KIAA1217: variants seen among roughly 807,000 people sequenced by gnomAD.
KIAA1217 encodes the protein KIAA1217.
In KIAA1217, 88 loss-of-function variants were observed where a neutral mutation model predicts 163.9. The ratio of observed to expected loss-of-function variants is 0.54; its 90% CI spans 0.45 to 0.64. KIAA1217 has a LOEUF of 0.64. Ranked by LOEUF, KIAA1217 falls within the 30% of genes least tolerant of loss-of-function variation. The probability of loss-of-function intolerance (pLI) is 0.00; values close to 1 mark genes in which losing one functional copy is unlikely to be tolerated. For missense variants in KIAA1217, 2,372 were observed against 2,475.0 expected (o/e 0.96, Z 0.88); for synonymous variants, 903 against 923.1 (o/e 0.98, Z 0.39).
At chr10:24,527,907 A>T (rs2072452375) in intron 13 of KIAA1217, 29 bp from the exon 14 acceptor site, 2 of 1,591,328 alleles carry the variant, frequency 1.3e-6, no homozygotes, top group East Asian at 4.5e-5. Flanking sequence ...GTGTCCACGT[A>T]ACTTCCTTTA....
chr10:24,544,182 G>C lies in KIAA1217; in HGVS notation c.4912G>C (p.Val1638Leu). 6.2e-7 allele frequency: 1 copy of C among 1,614,154 alleles called. No individual in the cohort carries two copies. The highest frequency in any genetic ancestry group is 1.1e-5 in the South Asian group (1 of 91,082). Residue 1638 changes from valine (V) to leucine (L), a missense_variant, in exon 19 of 21, where the codon GTG becomes CTG. Val to Leu is a conservative substitution (Grantham distance 32). This residue lies in a region of KIAA1217 where 690 missense variants were observed against 677.5 expected (regional missense o/e 1.02). Coordinates refer to ENST00000376454, the MANE Select transcript of KIAA1217 (RefSeq NM_019590.5). ...ACCTGAAGACACCCCTGAAAACACA[G>C]TGAGGAGGCAAGAGCAGCCCAGCAT... ...SQPEDTPENT[V>L]RRQEQPSIES...
At chr10:24,074,313 C>A (rs1259116742) in intron 2 of KIAA1217, among the ~76,000 whole-genome samples, 1 of 152,102 alleles carries the variant, frequency 6.6e-6, no homozygotes, top group Non-Finnish European at 1.5e-5. Flanking sequence ...CGTGTCACTG[C>A]ACTCCAGCCT....
chr10:24,121,419 A>G lies in KIAA1217; in HGVS notation c.-170-98207A>G, dbSNP rs532036339. On this transcript the variant is annotated intron_variant, in intron 2 of 18. Coordinates refer to the KIAA1217 transcript ENST00000376462. The stretch of plus-strand genomic sequence containing the variant: ...GAATGATTAAGCCCTTGTAGCTTAA[A>G]GCATGGACATTCTTGGGAGAAAATC... 2.2e-4 allele frequency among the ~76,000 whole-genome samples: 33 copies of G among 152,306 alleles called. 1 individual carries two copies. The South Asian group carries it at 6.8e-3, about 32-fold the overall frequency.
At chr10:24,353,853 A>G (rs541246898) in intron 2 of KIAA1217, among the ~76,000 whole-genome samples, 7 of 152,364 alleles carry the variant, frequency 4.6e-5, no homozygotes, top group African/African-American at 1.4e-4. Context: ...TCTGATTTCC[A>G]AAGATCAAAA....
At chr10:24,457,218 T>C (rs2061882318) in intron 5 of KIAA1217, among the ~76,000 whole-genome samples, 1 of 151,876 alleles carries the variant, frequency 6.6e-6, no homozygotes, top group Non-Finnish European at 1.5e-5. Context: ...ATAAAAAGAG[T>C]TGGGGAGGTT....
At chr10:24,344,273 G>A (rs1218039297) in intron 2 of KIAA1217, among the ~76,000 whole-genome samples, 2 of 152,166 alleles carry the variant, frequency 1.3e-5, no homozygotes, top group South Asian at 4.1e-4. Flanking sequence ...CTGGGACAGC[G>A]TTCAATAAAT....
At chr10:24,364,533 C>T (rs1360353936) in intron 2 of KIAA1217, among the ~76,000 whole-genome samples, 3 of 152,034 alleles carry the variant, frequency 2.0e-5, no homozygotes, top group African/African-American at 7.2e-5. Context: ...GATCCTGAGG[C>T]CTAAAGTTCG....
chr10:24,045,146 A>C (rs545622528), intron 2 of KIAA1217, among the ~76,000 whole-genome samples: 1 of 152,250 alleles, frequency 6.6e-6, no homozygotes, highest in South Asian at 2.1e-4. Flanking sequence ...TTTTTTCCTC[A>C]TAATGTTAAA....
At chr10:23,928,262 G>A (rs1048005831) in intron 1 of KIAA1217, among the ~76,000 whole-genome samples, 73 of 152,144 alleles carry the variant, frequency 4.8e-4, no homozygotes, top group African/African-American at 1.6e-3. Context: ...ACTGGGGGAG[G>A]AAACGTTGTT....
rs1002249537 is a variant in KIAA1217, at chr10:24,472,943, T to G, written c.847-285T>G. ...CCTTCCAAACTCTTCTAACCCTACTTCCATCAGCATAGATCTCCCCTGGAG... is the reference window on the plus strand; with the variant it reads ...CCTTCCAAACTCTTCTAACCCTACTGCCATCAGCATAGATCTCCCCTGGAG... On this transcript the variant is annotated intron_variant, in intron 5 of 20. Transcript: ENST00000376454. Among the ~76,000 whole-genome samples the G allele has an allele frequency of 5.9e-5, 9 of 152,202 alleles. 1 individual carries two copies. Among genetic ancestry groups the G allele is most frequent in the Admixed American group, 2.0e-4 (3 of 15,280 alleles).
intron 2 of KIAA1217, among the ~76,000 whole-genome samples, chr10:24,128,863 G>A (rs1298637044): frequency 6.6e-6 from 1 of 152,166 alleles, no homozygotes; most frequent in African/African-American, 2.4e-5. Flanking sequence ...CTTAGCTAAA[G>A]TACATTGCAT....
chr10:24,543,735 G>T lies in KIAA1217; in HGVS notation c.4465G>T (p.Gly1489Trp). The change falls in exon 19 of 21, where the codon GGG (glycine) becomes TGG (tryptophan). Residue 1489 changes from glycine (G) to tryptophan (W), a missense_variant. Around this residue, in one of 3 missense-constraint regions of KIAA1217, gnomAD observed 690 missense variants for 677.5 expected, o/e 1.02. Transcript: ENST00000376454. ...AGAGGAGGAGGAAGAGGAGGAAAATGGGGATTCTGTAGTCCAGAATAATAA... is the reference window on the plus strand; with the variant it reads ...AGAGGAGGAGGAAGAGGAGGAAAATTGGGATTCTGTAGTCCAGAATAATAA... ...KIEEEEEEEN[G>W]DSVVQNNNTS... The T allele has an allele frequency of 1.9e-6, 3 of 1,613,686 alleles. No individual in the cohort carries two copies. The highest frequency in any genetic ancestry group is 2.5e-6 in the Non-Finnish European group (3 of 1,179,720).
At chr10:23,971,782 A>C (rs192151454) in intron 1 of KIAA1217, among the ~76,000 whole-genome samples, 1 of 152,276 alleles carries the variant, frequency 6.6e-6, no homozygotes, top group Non-Finnish European at 1.5e-5. Context: ...GATCCAGGAG[A>C]AAATTAAGAG....
At chr10:24,064,855 C>T (rs527560681) in intron 2 of KIAA1217, among the ~76,000 whole-genome samples, 4 of 152,302 alleles carry the variant, frequency 2.6e-5, no homozygotes, top group East Asian at 1.9e-4. Flanking sequence ...CAACTTCTTC[C>T]TGATTTAGTC....
chr10:23,759,764 C>A (rs1834154166), intron 1 of KIAA1217, among the ~76,000 whole-genome samples: 1 of 152,212 alleles, frequency 6.6e-6, no homozygotes, highest in Non-Finnish European at 1.5e-5. Flanking sequence ...TTCTGACTAT[C>A]AGACTTTGAA....
chr10:23,903,930 A>G (rs1842050192), intron 1 of KIAA1217, among the ~76,000 whole-genome samples: 1 of 152,098 alleles, frequency 6.6e-6, no homozygotes, highest in Non-Finnish European at 1.5e-5. Context: ...CTGGCAAACG[A>G]ATTTTCTCAA....
At chr10:24,163,109 C>A (rs2065192984) in intron 2 of KIAA1217, among the ~76,000 whole-genome samples, 1 of 152,188 alleles carries the variant, frequency 6.6e-6, no homozygotes, top group Admixed American at 6.5e-5. Context: ...TGGGGACCCT[C>A]TTGGAGGCTG....
intron 5 of KIAA1217, among the ~76,000 whole-genome samples, chr10:24,452,893 C>G (rs1475171903): frequency 6.6e-6 from 1 of 152,056 alleles, no homozygotes; most frequent in Non-Finnish European, 1.5e-5. Flanking sequence ...CAAAATATCT[C>G]ATGTAACCCA....
At chr10:23,919,502 A>G (rs1842765474) in intron 1 of KIAA1217, among the ~76,000 whole-genome samples, 1 of 147,416 alleles carries the variant, frequency 6.8e-6, no homozygotes, top group Admixed American at 6.9e-5. Context: ...GCTACTCGGG[A>G]GGCTGCGGAA....
Sources: gnomAD v4.1 joint callset for allele counts (sites outside exome capture counted in the v4.1 genomes callset) on GRCh38, gnomAD v4.1.1 for gene constraint, gnomAD v4.1.1 regional missense constraint, MANE v1.5 for transcripts, NCBI Gene and HGNC (gene_info 2026-07-23, HGNC 2026-07-21) for gene names.